MSI2: variants seen among roughly 807,000 people sequenced by gnomAD.
MSI2 encodes the protein RNA-binding protein Musashi homolog 2.
In MSI2, 17 loss-of-function variants were observed where a neutral mutation model predicts 45.6. The observed-to-expected ratio is 0.37, with a 90% CI of 0.26 to 0.56. The LOEUF is 0.56. Ranked by LOEUF, MSI2 falls within the 20% of genes least tolerant of loss-of-function variation. The pLI, the probability that MSI2 is intolerant of heterozygous loss-of-function variation, is 0.77. For synonymous variants in MSI2, 156 were observed against 158.2 expected, an observed-to-expected ratio of 0.99 and a Z score of 0.11; for missense variants, 293 against 444.2, an observed-to-expected ratio of 0.66 and a Z score of 3.06.
chr17:57,438,762 G>C (rs920847950), intron 6 of MSI2, among the ~76,000 whole-genome samples: 1 of 152,036 alleles, frequency 6.6e-6, no homozygotes, highest in Non-Finnish European at 1.5e-5. Context: ...CAGTCTGACC[G>C]GAGCCTAGGG....
intron 6 of MSI2, among the ~76,000 whole-genome samples, chr17:57,525,752 C>T (rs918783891): frequency 6.6e-6 from 1 of 152,226 alleles, no homozygotes; most frequent in Admixed American, 6.5e-5. Flanking sequence ...TGCTGAGGAT[C>T]AGACACCTCT....
chr17:57,583,491 T>TTTTTTTTTTC (rs751219586), intron 7 of MSI2, among the ~76,000 whole-genome samples: 18,363 of 140,132 alleles, frequency 0.13, 1,478 homozygotes, highest in African/African-American at 0.16. Context: ...AATGTTTCTT[T>TTTTTTTTTTC]TTTTTTTTTT....
intron 5 of MSI2, among the ~76,000 whole-genome samples, chr17:57,334,927 C>T (rs990893338): frequency 2.6e-5 from 4 of 150,994 alleles, no homozygotes; most frequent in African/African-American, 9.7e-5. Context: ...GCAATTAAAG[C>T]AGAAAGACTT....
intron 6 of MSI2, among the ~76,000 whole-genome samples, chr17:57,497,357 A>T (rs1178521990): frequency 6.6e-6 from 1 of 152,016 alleles, no homozygotes; most frequent in Non-Finnish European, 1.5e-5. Context: ...TTGAAAAGCT[A>T]CTCTGAGTGA....
At chr17:57,337,398 G>A (rs558215707) in intron 5 of MSI2, among the ~76,000 whole-genome samples, 144 of 152,242 alleles carry the variant, frequency 9.5e-4, no homozygotes, top group African/African-American at 3.2e-3. Flanking sequence ...TGGTCCATGC[G>A]AATACTCACA....
intron 5 of MSI2, among the ~76,000 whole-genome samples, chr17:57,298,006 G>A (rs1911125855): frequency 1.3e-5 from 2 of 151,538 alleles, no homozygotes; most frequent in South Asian, 4.2e-4. Context: ...CATGAGGGTT[G>A]GAATAAACTT....
intron 5 of MSI2, among the ~76,000 whole-genome samples, chr17:57,309,902 C>T (rs1310925406): frequency 2.0e-5 from 3 of 152,184 alleles, no homozygotes; most frequent in Non-Finnish European, 2.9e-5. Context: ...GGGCCTGCCA[C>T]GAGAAGCTGG....
At chr17:57,690,747 T>C in the MSI2 span, among the ~76,000 whole-genome samples, 2 of 152,170 alleles carry the variant, frequency 1.3e-5, no homozygotes, top group Non-Finnish European at 2.9e-5. Context: ...CTCTTTATTC[T>C]CTTAATGTTT....
chr17:57,599,756 G>A (rs1329478421), intron 8 of MSI2, among the ~76,000 whole-genome samples: 2 of 152,236 alleles, frequency 1.3e-5, no homozygotes, highest in Non-Finnish European at 2.9e-5. Flanking sequence ...AAGGTGGGGA[G>A]TTTAGAGGCC....
intron 6 of MSI2, among the ~76,000 whole-genome samples, chr17:57,443,060 G>A (rs903480514): frequency 2.0e-5 from 3 of 152,140 alleles, no homozygotes; most frequent in South Asian, 2.1e-4. Context: ...GACAGCTACC[G>A]TTTGCGGCCT....
chr17:57,462,414 G>C (rs543488476), intron 6 of MSI2, among the ~76,000 whole-genome samples: 35 of 152,302 alleles, frequency 2.3e-4, no homozygotes, highest in Admixed American at 2.1e-3. Context: ...CCTTTCCAGA[G>C]GTGGGTGTTG....
intron 7 of MSI2, among the ~76,000 whole-genome samples, chr17:57,539,363 T>G (rs2086992133): frequency 6.6e-6 from 1 of 151,856 alleles, no homozygotes; most frequent in Admixed American, 6.6e-5. Context: ...GTCAATGCAG[T>G]GATAGAACAA....
chr17:57,516,380 T>G (rs1187797052), intron 6 of MSI2, among the ~76,000 whole-genome samples: 1 of 152,190 alleles, frequency 6.6e-6, no homozygotes, highest in East Asian at 1.9e-4. Flanking sequence ...CCAGCTGTAT[T>G]CCATTGTAGG....
chr17:57,668,260 A>G lies in MSI2; in HGVS notation c.791-6712A>G, dbSNP rs562225458. On this transcript the variant is annotated intron_variant, in intron 11 of 13. Coordinates refer to ENST00000284073, the MANE Select transcript of MSI2 (RefSeq NM_138962.4). ...TGTTTGGAACTTTTTCCTTACACCAATCCGAATGGTAGTGTGCTTCCCCAG... is the reference window on the plus strand; with the variant it reads ...TGTTTGGAACTTTTTCCTTACACCAGTCCGAATGGTAGTGTGCTTCCCCAG... 4.6e-5 allele frequency among the ~76,000 whole-genome samples: 7 copies of G among 152,318 alleles called. No homozygotes were observed. The South Asian group carries it at 1.5e-3, about 32-fold the overall frequency.
chr17:57,497,188 G>T (rs2085996815), intron 6 of MSI2, among the ~76,000 whole-genome samples: 1 of 152,174 alleles, frequency 6.6e-6, no homozygotes, highest in South Asian at 2.1e-4. Context: ...TGTTGGCCAG[G>T]CTAGTCTCGA....
rs191222601 is a variant in MSI2, at chr17:57,676,142, A to G, written c.946-845A>G. Among the ~76,000 whole-genome samples, 26 of 152,344 alleles carry G rather than the reference A, an allele frequency of 1.7e-4. 1 individual carries two copies. The highest frequency in any genetic ancestry group is 3.4e-3 in the Middle Eastern group (1 of 294). Reference sequence around the variant, plus strand: ...CTTGGGGGCCACGCTGCGGAGAACAAAACATGTGCAGACAGTCTAGGGCAC... The same window carrying G: ...CTTGGGGGCCACGCTGCGGAGAACAGAACATGTGCAGACAGTCTAGGGCAC... On this transcript the variant is annotated intron_variant, in intron 12 of 13. Transcript: ENST00000284073.
chr17:57,284,015 A>G (rs1909649807), intron 5 of MSI2, among the ~76,000 whole-genome samples: 2 of 152,226 alleles, frequency 1.3e-5, no homozygotes, highest in Admixed American at 1.3e-4. Context: ...AGTCAACTTC[A>G]GGCGAATCAA....
At chr17:57,318,517 T>G (rs1478606290) in intron 5 of MSI2, among the ~76,000 whole-genome samples, 1 of 151,888 alleles carries the variant, frequency 6.6e-6, no homozygotes, top group Non-Finnish European at 1.5e-5. Flanking sequence ...CACAGAGGAC[T>G]GGGAATGGGC....
intron 6 of MSI2, among the ~76,000 whole-genome samples, chr17:57,494,224 G>C (rs2085931458): frequency 6.6e-6 from 1 of 152,216 alleles, no homozygotes; most frequent in South Asian, 2.1e-4. Context: ...ACCATCTGCA[G>C]TAAGGGAGAC....
Sources: gnomAD v4.1 joint callset for allele counts (sites outside exome capture counted in the v4.1 genomes callset) on GRCh38, gnomAD v4.1.1 for gene constraint, MANE v1.5 for transcripts, NCBI Gene and HGNC (gene_info 2026-07-23, HGNC 2026-07-21) for gene names.